NXPE2: variants seen among roughly 807,000 people sequenced by gnomAD.
The protein encoded by NXPE2 is neurexophilin and PC-esterase domain family member 2, also known as NXPE family member 2.
NXPE2 carries 34 observed loss-of-function variants against 34.4 expected under a neutral mutation model. The observed-to-expected ratio is 0.99, with a 90% CI of 0.75 to 1.31. The LOEUF (loss-of-function observed/expected upper bound fraction) is 1.31. Among genes scored for constraint, NXPE2 ranks in the 40% most tolerant of loss-of-function variants. The pLI, the probability that NXPE2 is intolerant of heterozygous loss-of-function variation, is 0.00. For synonymous variants in NXPE2, 235 were observed against 231.3 expected, an observed-to-expected ratio of 1.02 and a Z score of -0.15; for missense variants, 649 against 672.5, an observed-to-expected ratio of 0.97 and a Z score of 0.39.
the NXPE2 span, among the ~76,000 whole-genome samples, chr11:114,725,805 G>A: frequency 1.3e-5 from 2 of 151,244 alleles, no homozygotes; most frequent in Non-Finnish European, 3.0e-5. Flanking sequence ...CTTCATTTAC[G>A]TGCATTTTGG....
chr11:114,773,939 C>G, the NXPE2 span, among the ~76,000 whole-genome samples: 2 of 152,216 alleles, frequency 1.3e-5, no homozygotes, highest in South Asian at 2.1e-4. Context: ...CAGCTTAAGA[C>G]GGCAGATCGC....
chr11:114,601,959 T>C, the NXPE2 span, among the ~76,000 whole-genome samples: 1 of 82,208 alleles, frequency 1.2e-5, no homozygotes, highest in Non-Finnish European at 2.1e-5. Flanking sequence ...TATATAATAT[T>C]ATATATTATA....
chr11:114,585,195 G>C, the NXPE2 span, among the ~76,000 whole-genome samples: 628 of 151,744 alleles, frequency 4.1e-3, 3 homozygotes, highest in African/African-American at 0.014. Flanking sequence ...CCCCAGTTCT[G>C]CAGGTGGAGG....
At chr11:114,776,087 G>A in the NXPE2 span, among the ~76,000 whole-genome samples, 2 of 152,232 alleles carry the variant, frequency 1.3e-5, no homozygotes, top group African/African-American at 2.4e-5. Flanking sequence ...TTAAAAGGGA[G>A]GATCTGCTAG....
the NXPE2 span, among the ~76,000 whole-genome samples, chr11:114,772,108 G>A: frequency 6.6e-6 from 1 of 152,130 alleles, no homozygotes; most frequent in African/African-American, 2.4e-5. Flanking sequence ...TTCCAGCTGT[G>A]GTCGTAAATG....
chr11:114,691,794 G>A (rs1287444256), intron 2 of NXPE2, among the ~76,000 whole-genome samples: 1 of 152,124 alleles, frequency 6.6e-6, no homozygotes, highest in Non-Finnish European at 1.5e-5. Context: ...CTTCCCTTAG[G>A]GGCAGATAGT....
chr11:114,614,732 G>A, the NXPE2 span, among the ~76,000 whole-genome samples: 8 of 151,758 alleles, frequency 5.3e-5, no homozygotes, highest in East Asian at 2.0e-4. Context: ...TGCCTCCTGC[G>A]TAACCAGTGT....
chr11:114,678,625 T>C, intron 1 of NXPE2, 24 bp downstream of exon 1: 4 of 1,540,272 alleles, frequency 2.6e-6, no homozygotes, highest in Non-Finnish European at 3.5e-6. Context: ...CAACTCTTAC[T>C]GCCAAGCTAA....
chr11:114,502,794 T>G, the NXPE2 span, among the ~76,000 whole-genome samples: 2 of 152,204 alleles, frequency 1.3e-5, no homozygotes, highest in Admixed American at 1.3e-4. Context: ...GGTAGGACAT[T>G]ACCTATGAAA....
At chr11:114,531,457 A>G in the NXPE2 span, among the ~76,000 whole-genome samples, 19 of 152,324 alleles carry the variant, frequency 1.2e-4, no homozygotes, top group African/African-American at 3.8e-4. Flanking sequence ...CAAGGAAGAC[A>G]GTCCTGCTTT....
chr11:114,529,143 T>A, the NXPE2 span: 1,232 of 242,090 alleles, frequency 5.1e-3, 6 homozygotes, highest in Middle Eastern at 0.042. Context: ...TAGAAAGGGA[T>A]TTCTGTGAAC....
the NXPE2 span, chr11:114,551,229 A>G: frequency 6.8e-7 from 1 of 1,461,094 alleles, no homozygotes; most frequent in South Asian, 1.2e-5. Flanking sequence ...AGATGACACA[A>G]GAGAGGAGTC....
chr11:114,492,076 G>T, the NXPE2 span, among the ~76,000 whole-genome samples: 8 of 151,950 alleles, frequency 5.3e-5, no homozygotes, highest in African/African-American at 1.9e-4. Context: ...GAGTTAATGG[G>T]TGCAGCACAC....
the NXPE2 span, chr11:114,522,451 A>T: frequency 3.1e-6 from 5 of 1,612,460 alleles, no homozygotes; most frequent in Admixed American, 6.7e-5. Context: ...CTGCATCCAG[A>T]AGCAAATGTT....
chr11:114,604,220 A>G, the NXPE2 span, among the ~76,000 whole-genome samples: 1 of 152,002 alleles, frequency 6.6e-6, no homozygotes, highest in East Asian at 1.9e-4. Flanking sequence ...GTGGGTAACC[A>G]CTGTTACCCG....
the NXPE2 span, among the ~76,000 whole-genome samples, chr11:114,629,033 G>T: frequency 6.6e-6 from 1 of 152,140 alleles, no homozygotes; most frequent in East Asian, 1.9e-4. Context: ...ATAATCAATA[G>T]CTTACCAATG....
chr11:114,785,116 CCAGA>C, the NXPE2 span, among the ~76,000 whole-genome samples: 3 of 152,002 alleles, frequency 2.0e-5, no homozygotes, highest in Non-Finnish European at 4.4e-5. Context: ...TGACACTCTC[CCAGA>C]CAAAGGCCAT....
chr11:114,682,722 G>C (rs891352934), intron 2 of NXPE2, among the ~76,000 whole-genome samples: 2 of 152,092 alleles, frequency 1.3e-5, no homozygotes, highest in African/African-American at 4.8e-5. Context: ...TGTTAGTCCA[G>C]TTACCAAAAG....
At chr11:114,606,677 A>G in the NXPE2 span, among the ~76,000 whole-genome samples, 3 of 151,612 alleles carry the variant, frequency 2.0e-5, no homozygotes, top group Non-Finnish European at 4.4e-5. Flanking sequence ...GTATTGCATC[A>G]TGGGTCACCA....
Sources: gnomAD v4.1 joint callset for allele counts (sites outside exome capture counted in the v4.1 genomes callset) on GRCh38, gnomAD v4.1.1 for gene constraint, MANE v1.5 for transcripts, NCBI Gene and HGNC (gene_info 2026-07-23, HGNC 2026-07-21) for gene names.